Variants in ANKRD28 observed in about 807,000 individuals in gnomAD.
ANKRD28 encodes ankyrin repeat domain 28.
ANKRD28 carries 44 observed loss-of-function variants against 126.5 expected under a neutral mutation model. The observed-to-expected ratio is 0.35, with a 90% CI of 0.27 to 0.45. ANKRD28 has a LOEUF of 0.45. Among genes scored for constraint, ANKRD28 ranks in the 20% least tolerant of loss-of-function variants. The probability of loss-of-function intolerance (pLI) is 1.00; values close to 1 mark genes in which losing one functional copy is unlikely to be tolerated. For synonymous variants in ANKRD28, 442 were observed against 468.5 expected (o/e 0.94, Z 0.73); for missense variants, 1,110 against 1,316.6 (o/e 0.84, Z 2.43).
At position 15,679,342 on chromosome 3, in the gene ANKRD28, T is replaced by C; in HGVS notation, c.2520A>G (p.Thr840=). 6.2e-7 allele frequency: 1 copy of C among 1,614,014 alleles called. No individual in the cohort carries two copies. Among genetic ancestry groups the C allele is most frequent in the Non-Finnish European group, 8.5e-7 (1 of 1,179,896 alleles). ...TGGCGTTCACAATGCTGGCACCTAA[T>C]GTATCAATTAACATCTCAGCAGCAC... ...NEGAAEMLID[T]LGASIVNATD... Residue 840 remains threonine, a synonymous_variant, in exon 23 of 28, where the codon ACA becomes ACG. Coordinates refer to ENST00000683139, the MANE Select transcript of ANKRD28 (RefSeq NM_001349278.2).
intron 26 of ANKRD28, 165 bp downstream of exon 26, chr3:15,676,809 T>TTA (rs1406772694): frequency 2.0e-6 from 1 of 510,030 alleles, no homozygotes; most frequent in Non-Finnish European, 3.4e-6. Flanking sequence ...AATATGGCTT[T>TTA]TAGTTGTGAT....
At chr3:15,850,015 A>G (rs1443097579) in intron 1 of ANKRD28, among the ~76,000 whole-genome samples, 1 of 151,616 alleles carries the variant, frequency 6.6e-6, no homozygotes, top group Non-Finnish European at 1.5e-5. Context: ...TCAAGACAGC[A>G]TGGTACTGGC....
chr3:15,741,865 T>C (rs9828154), intron 4 of ANKRD28, among the ~76,000 whole-genome samples: 6,103 of 151,970 alleles, frequency 0.04, 393 homozygotes, highest in African/African-American at 0.14. Flanking sequence ...GCCTGCCGAG[T>C]GCCTGCGATT....
At position 15,815,300 on chromosome 3, in the gene ANKRD28, A is replaced by G. The variant is rs142397582; in HGVS notation, c.28-19994T>C. Reference sequence around the variant, plus strand: ...TTCCCTACATAAAAGTGTGGGGCCAACCACATTTCTTTTGTTTTTCTTTTA... The same window carrying G: ...TTCCCTACATAAAAGTGTGGGGCCAGCCACATTTCTTTTGTTTTTCTTTTA... On this transcript the variant is annotated intron_variant, in intron 1 of 27. Coordinates refer to the ANKRD28 transcript ENST00000399451. This position sits in a 1 kb window ranked among gnomAD's most constrained non-coding sequence, Gnocchi z 4.1. Among the ~76,000 whole-genome samples, 4 of 152,242 alleles carry G rather than the reference A, an allele frequency of 2.6e-5. No homozygotes were observed. In the East Asian group the frequency reaches 7.7e-4, roughly 29 times the overall value.
At chr3:15,801,924 T>A (rs1448926303), upstream of ANKRD28, among the ~76,000 whole-genome samples, 1 of 152,224 alleles carries the variant, frequency 6.6e-6, no homozygotes, top group Non-Finnish European at 1.5e-5. This position sits in a 1 kb window ranked among gnomAD's most constrained non-coding sequence, Gnocchi z 4.9. Context: ...GTGATCCCAC[T>A]GGTACGTTAC....
chr3:15,802,260 A>G (rs113156411), upstream of ANKRD28, among the ~76,000 whole-genome samples: 210 of 152,246 alleles, frequency 1.4e-3, 1 homozygote, highest in African/African-American at 5.0e-3. Flanking sequence ...ACTATCTTAA[A>G]CCAAACAAGG....
At chr3:15,689,753 G>T in intron 18 of ANKRD28, 1 of 304,080 alleles carries the variant, frequency 3.3e-6, no homozygotes, top group Middle Eastern at 1.0e-3. Flanking sequence ...AATATTTTTT[G>T]TGCTTGGTTT....
chr3:15,678,251 G>A lies in ANKRD28; in HGVS notation c.2665C>T (p.Pro889Ser). Residue 889 changes from proline (P) to serine (S), a missense_variant, in exon 24 of 28, where the codon CCT becomes TCT. Pro to Ser is a moderately conservative substitution (Grantham distance 74, BLOSUM62 -1). Transcript: ENST00000683139. ...VNSVDSTGKT[P>S]LMMAAENGQT... ...CCATTTTCTGCAGCCATCATAAGAG[G>A]TGTTTTCCCTGTAGAGTCCACAGAA... 6.2e-7 allele frequency: 1 copy of A among 1,612,562 alleles called. No individual in the cohort carries two copies. The highest frequency in any genetic ancestry group is 8.5e-7 in the Non-Finnish European group (1 of 1,179,542).
chr3:15,777,904 C>CACACACACACACACACACA (rs1553631665), intron 2 of ANKRD28, among the ~76,000 whole-genome samples: 1 of 67,030 alleles, frequency 1.5e-5, no homozygotes. Flanking sequence ...ACACACACAC[C>CACACACACACACACACACA]CTCTCCGCCC....
intron 9 of ANKRD28, 136 bp from the exon 10 acceptor site, chr3:15,713,777 C>T: frequency 2.0e-6 from 1 of 488,696 alleles, no homozygotes; most frequent in Non-Finnish European, 3.6e-6. Context: ...TCATTCATAG[C>T]TCATTTATTG....
Position 15,797,531 on chromosome 3 carries a change from T to C in ANKRD28, c.-1010A>G, listed in dbSNP as rs2060331352. The C allele has an allele frequency of 2.0e-6, 2 of 984,886 alleles. No individual in the cohort carries two copies. Among genetic ancestry groups the C allele is most frequent in the South Asian group, 4.7e-5 (1 of 21,270 alleles). The allele number at this position is 984,886 out of a possible 1,614,324, so 61.0% of individuals were successfully genotyped here. ...GAATTAGAAGGCATTTGAGCTCAAA[T>C]TACTGCTTCAGGCTTTTTGTTTTCT... On this transcript the variant is annotated 5_prime_UTR_variant, in exon 1 of 28. Coordinates refer to ENST00000683139, the MANE Select transcript of ANKRD28 (RefSeq NM_001349278.2).
Position 15,814,058 on chromosome 3 carries a change from C to T in ANKRD28, c.28-18752G>A, listed in dbSNP as rs1241946557. ...TAAAACGGCTATACTAAGTCTTCCA[C>T]TAACACAGGGTCCACTACTATAAAT... is the stretch of plus-strand genomic sequence containing the variant. On this transcript the variant is annotated intron_variant, in intron 1 of 27. Transcript: ENST00000399451. The surrounding 1 kb of genome is among the most constrained non-coding windows in gnomAD (Gnocchi z 4.7). Among the ~76,000 whole-genome samples the T allele has an allele frequency of 6.6e-6, 1 of 152,182 alleles. No individual in the cohort carries two copies. The highest frequency in any genetic ancestry group is 2.4e-5 in the African/African-American group (1 of 41,430).
intron 1 of ANKRD28, among the ~76,000 whole-genome samples, chr3:15,826,137 C>G (rs2061061081): frequency 6.6e-6 from 1 of 152,168 alleles, no homozygotes; most frequent in Non-Finnish European, 1.5e-5. Context: ...ACTAGAATTT[C>G]TACATCACTA....
At chr3:15,810,092 G>T (rs1045647262) in intron 1 of ANKRD28, among the ~76,000 whole-genome samples, 3 of 152,042 alleles carry the variant, frequency 2.0e-5, no homozygotes, top group African/African-American at 7.2e-5. Flanking sequence ...AGAATTTTAA[G>T]GCAAAAAGTT....
rs1295300917 is a variant in ANKRD28 at position 15,676,588 on chromosome 3, AT to A, written c.2873+385del. Reference sequence around the variant, plus strand: ...GCTGCTCACATTATTAAAAATTTTGATTCTTTAAGAAACCTTATTGGCTTAC... The same window carrying A: ...GCTGCTCACATTATTAAAAATTTTGATCTTTAAGAAACCTTATTGGCTTAC... On this transcript the variant is annotated intron_variant, in intron 26 of 27. Transcript: ENST00000683139. 6 of 165,858 alleles carry A rather than the reference AT, an allele frequency of 3.6e-5. No individual in the cohort carries two copies. In the East Asian group the frequency reaches 7.1e-4, roughly 20 times the overall value. 10.3% of individuals were successfully genotyped at this position (165,858 alleles called of 1,614,324 possible). A position where few individuals can be genotyped will look rare whatever the true frequency, so the allele number is the denominator to read the frequency against.
intron 1 of ANKRD28, among the ~76,000 whole-genome samples, chr3:15,855,765 G>A (rs1485220671): frequency 6.6e-6 from 1 of 152,220 alleles, no homozygotes; most frequent in African/African-American, 2.4e-5. Flanking sequence ...GGCTGCCAGG[G>A]CTGGGAGAAG....
intron 2 of ANKRD28, among the ~76,000 whole-genome samples, chr3:15,777,719 A>G (rs1377795742): frequency 6.6e-6 from 1 of 152,176 alleles, no homozygotes; most frequent in Admixed American, 6.5e-5. Flanking sequence ...CGAAATATGG[A>G]GAATGGTAGT....
chr3:15,832,253 T>C (rs2061220122), intron 1 of ANKRD28, among the ~76,000 whole-genome samples: 1 of 152,212 alleles, frequency 6.6e-6, no homozygotes, highest in Admixed American at 6.5e-5. Context: ...CAGAAATACA[T>C]TCAAAGTTAA....
intron 15 of ANKRD28, 117 bp downstream of exon 15, chr3:15,696,017 C>G: frequency 2.8e-6 from 2 of 713,938 alleles, no homozygotes; most frequent in Non-Finnish European, 4.8e-6. Flanking sequence ...TATATAAATT[C>G]TGAAAATGTT....
Sources: allele counts gnomAD v4.1 joint callset (sites outside exome capture counted in the v4.1 genomes callset), GRCh38; gene constraint gnomAD v4.1.1; non-coding constraint Gnocchi (gnomAD v3.1); transcripts MANE v1.5; gene names NCBI Gene and HGNC (gene_info 2026-07-23, HGNC 2026-07-21).